The following PTPRM variants were observed in gnomAD, a reference collection of about 807,000 sequenced individuals.
The protein encoded by PTPRM is receptor-type tyrosine-protein phosphatase mu.
Under a neutral mutation model 186.7 loss-of-function variants are expected in PTPRM, and 47 were observed. That is an observed-to-expected ratio of 0.25 (90% CI 0.20 to 0.32). The LOEUF is 0.32. PTPRM is among the 10% of genes least tolerant of loss of function. PTPRM has a pLI of 1.00. For synonymous variants in PTPRM, 668 were observed against 674.9 expected (o/e 0.99, Z 0.16); for missense variants, 1,494 against 1,865.0 (o/e 0.80, Z 3.66).
chr18:8,085,537 AGGATTTCAAGAGTCTGAGTAGGAGCT>A (rs1212813423), intron 9 of PTPRM, 108 bp from the exon 10 acceptor site: 1 of 750,570 alleles, frequency 1.3e-6, no homozygotes, highest in Admixed American at 2.6e-5. Context: ...CAGTGGATTC[AGGATTTCAAGAGTCTGAGTAGGAGCT>A]TATCATAAAG....
chr18:8,323,934 C>T (rs1291077952), intron 22 of PTPRM, among the ~76,000 whole-genome samples: 1 of 152,058 alleles, frequency 6.6e-6, no homozygotes, highest in Non-Finnish European at 1.5e-5. Flanking sequence ...TCATGGACTA[C>T]CCCCACCCCC....
At chr18:8,395,708 G>A (rs900768489) in intron 32 of PTPRM, among the ~76,000 whole-genome samples, 6 of 152,104 alleles carry the variant, frequency 3.9e-5, no homozygotes, top group African/African-American at 1.2e-4. Flanking sequence ...TCTAGAAGGG[G>A]CAGAAAGGAC....
chr18:8,376,491 T>C lies in PTPRM; in HGVS notation c.3356T>C (p.Ile1119Thr), dbSNP rs753756651. The stretch of plus-strand genomic sequence containing the variant: ...GGTGCAGGGAGGACTGGCTGTTTCA[T>C]CGTCATTGATATCATGTTGGACATG... The part of the protein sequence containing the change: ...SAGAGRTGCF[I>T]VIDIMLDMAE... Residue 1119 changes from isoleucine (I) to threonine (T), a missense_variant, in exon 26 of 33, where the codon ATC becomes ACC. Ile to Thr is a moderately conservative substitution (Grantham distance 89). This residue lies in a region of PTPRM where 1,107 missense variants were observed against 1,350.2 expected (regional missense o/e 0.82). Transcript: ENST00000580170. The C allele has an allele frequency of 1.2e-6, 2 of 1,614,140 alleles. No individual in the cohort carries two copies. The highest frequency in any genetic ancestry group is 1.7e-6 in the Non-Finnish European group (2 of 1,179,996).
intron 2 of PTPRM, among the ~76,000 whole-genome samples, chr18:7,849,449 A>G (rs9961530): frequency 0.026 from 3,908 of 152,290 alleles, 170 homozygotes; most frequent in African/African-American, 0.088. Context: ...TAGCTGGAAA[A>G]TTCAGATGAA....
intron 22 of PTPRM, 33 bp downstream of exon 22, chr18:8,319,247 G>T: frequency 2.0e-6 from 3 of 1,503,496 alleles, no homozygotes. Context: ...GTCTTTCTTT[G>T]TTTCTTTTGC....
chr18:8,288,845 T>G (rs184632825), intron 19 of PTPRM, among the ~76,000 whole-genome samples: 1 of 152,176 alleles, frequency 6.6e-6, no homozygotes, highest in Non-Finnish European at 1.5e-5. Flanking sequence ...GAAAGGCAAC[T>G]TGATTGAGGG....
chr18:8,084,167 G>A (rs12326060), intron 9 of PTPRM, among the ~76,000 whole-genome samples: 3,403 of 152,208 alleles, frequency 0.022, 54 homozygotes, highest in African/African-American at 0.047. Context: ...CCCCAGCTCC[G>A]AACACAGTGC....
intron 31 of PTPRM, 56 bp downstream of exon 31, chr18:8,387,291 C>T: frequency 2.6e-6 from 4 of 1,514,922 alleles, no homozygotes; most frequent in Non-Finnish European, 3.6e-6. Flanking sequence ...CACTCACTCT[C>T]ACCTCCTAGT....
intron 7 of PTPRM, among the ~76,000 whole-genome samples, chr18:8,038,922 G>A (rs1284760313): frequency 1.3e-5 from 2 of 152,234 alleles, no homozygotes; most frequent in East Asian, 1.9e-4. Context: ...CCATAGTAAA[G>A]CGTTTGGAAC....
At chr18:8,115,798 A>G (rs1316709001) in intron 13 of PTPRM, among the ~76,000 whole-genome samples, 5 of 152,240 alleles carry the variant, frequency 3.3e-5, no homozygotes, top group Non-Finnish European at 7.3e-5. Context: ...ACCATGATGT[A>G]CATGTGCATT....
At chr18:8,187,159 C>T (rs147405827) in intron 14 of PTPRM, among the ~76,000 whole-genome samples, 131 of 152,196 alleles carry the variant, frequency 8.6e-4, no homozygotes, top group African/African-American at 1.2e-3. Flanking sequence ...AGGCAGGTCT[C>T]GAACTCCTGG....
chr18:8,155,416 T>C (rs905167902), intron 14 of PTPRM, among the ~76,000 whole-genome samples: 1 of 152,184 alleles, frequency 6.6e-6, no homozygotes, highest in Non-Finnish European at 1.5e-5. Context: ...ATTAAAGAGT[T>C]AGGCATTCTG....
At chr18:7,827,475 C>G (rs1268628264) in intron 2 of PTPRM, among the ~76,000 whole-genome samples, 1 of 152,176 alleles carries the variant, frequency 6.6e-6, no homozygotes, top group Non-Finnish European at 1.5e-5. Context: ...CAAGACTCTC[C>G]CATTCTCTTG....
At chr18:7,873,922 G>A (rs2146209275) in intron 2 of PTPRM, among the ~76,000 whole-genome samples, 1 of 152,258 alleles carries the variant, frequency 6.6e-6, no homozygotes, top group Admixed American at 6.5e-5. Context: ...ACTCTCTTCT[G>A]TAGAAATGAA....
chr18:7,678,620 A>C (rs74865894), intron 1 of PTPRM, among the ~76,000 whole-genome samples: 2,589 of 152,266 alleles, frequency 0.017, 64 homozygotes, highest in African/African-American at 0.059. Context: ...AAATATGTAC[A>C]TACATATGAA....
intron 19 of PTPRM, among the ~76,000 whole-genome samples, chr18:8,291,417 A>G (rs950360117): frequency 6.6e-6 from 1 of 152,192 alleles, no homozygotes. Context: ...TTTCTGTCGC[A>G]CTGGGAGGAT....
chr18:7,780,919 G>T (rs1275760185), intron 2 of PTPRM, among the ~76,000 whole-genome samples: 1 of 152,104 alleles, frequency 6.6e-6, no homozygotes, highest in Non-Finnish European at 1.5e-5. Context: ...CTCTGCTGGA[G>T]CTAGGGGTGG....
intron 1 of PTPRM, among the ~76,000 whole-genome samples, chr18:7,570,976 G>A (rs1221588653): frequency 6.9e-6 from 1 of 144,152 alleles, no homozygotes; most frequent in African/African-American, 2.6e-5. Flanking sequence ...GTCTTGCTCT[G>A]TCGCCAGGCT....
At chr18:8,239,110 G>A (rs552991870) in intron 14 of PTPRM, among the ~76,000 whole-genome samples, 100 of 147,290 alleles carry the variant, frequency 6.8e-4, no homozygotes, top group South Asian at 3.8e-3. Flanking sequence ...TCGTCATTTA[G>A]CATTAGGTAT....
Sources: allele counts gnomAD v4.1 joint callset (sites outside exome capture counted in the v4.1 genomes callset), GRCh38; gene constraint gnomAD v4.1.1; regional missense constraint gnomAD v4.1.1; transcripts MANE v1.5; gene names NCBI Gene and HGNC (gene_info 2026-07-23, HGNC 2026-07-21).